BMP2K: variants seen among roughly 807,000 people sequenced by gnomAD.
BMP2K encodes the protein BMP2 inducible kinase.
In BMP2K, 74 loss-of-function variants were observed where a neutral mutation model predicts 116.0. That is an observed-to-expected ratio of 0.64 (90% CI 0.53 to 0.77). The LOEUF (loss-of-function observed/expected upper bound fraction) is 0.77. Among genes scored for constraint, BMP2K ranks in the 30% least tolerant of loss-of-function variants. The pLI is 0.00. For missense variants in BMP2K, 1,365 were observed against 1,403.6 expected (o/e 0.97, Z 0.44); for synonymous variants, 486 against 502.5 (o/e 0.97, Z 0.44).
chr4:78,859,755 C>G, intron 8 of BMP2K, 68 bp downstream of exon 8: 3 of 1,121,370 alleles, frequency 2.7e-6, no homozygotes, highest in Non-Finnish European at 3.9e-6. Context: ...TATTTACTTT[C>G]AGAGTTACTT....
intron 8 of BMP2K, 144 bp from the exon 9 acceptor site, chr4:78,861,245 G>A (rs1731771070): frequency 1.8e-6 from 1 of 549,658 alleles, no homozygotes. Context: ...GCAAATACAT[G>A]TGAATAATTT....
chr4:78,829,333 A>G (rs552843962), intron 2 of BMP2K, among the ~76,000 whole-genome samples: 1 of 152,224 alleles, frequency 6.6e-6, no homozygotes, highest in East Asian at 1.9e-4. Context: ...TTGCTCATTC[A>G]TAAGAAGCAG....
intron 15 of BMP2K, among the ~76,000 whole-genome samples, chr4:78,906,466 G>A (rs1455704543): frequency 2.6e-5 from 4 of 152,168 alleles, no homozygotes; most frequent in Non-Finnish European, 5.9e-5. Flanking sequence ...TGGTATAGAT[G>A]ATTGTGTCTT....
intron 10 of BMP2K, 142 bp from the exon 11 acceptor site, chr4:78,870,641 C>T: frequency 8.7e-7 from 1 of 1,147,968 alleles, no homozygotes; most frequent in East Asian, 2.6e-5. Flanking sequence ...TCCCTATAAA[C>T]TCTATGCATA....
intron 10 of BMP2K, among the ~76,000 whole-genome samples, chr4:78,866,169 T>G (rs1371276576): frequency 6.6e-6 from 1 of 152,162 alleles, no homozygotes; most frequent in Non-Finnish European, 1.5e-5. Flanking sequence ...CATAAAAACT[T>G]ACCTGATTTT....
Position 78,871,946 on chromosome 4 carries a change from A to G in BMP2K, c.1606A>G (p.Met536Val). ...ACCTTCTGCATCACAGTATCCTACA[A>G]TGGTAACTTAAATAATTTCTAGAGA... ...PQPSASQYPT[M>V]MPQYQQAFFQ... The change falls in exon 12 of 16, where the codon ATG becomes GTG. Residue 536 changes from methionine (M) to valine (V), a missense_variant and splice_region_variant. Met to Val is a conservative substitution (Grantham distance 21, BLOSUM62 1). Coordinates refer to ENST00000502613, the MANE Select transcript of BMP2K (RefSeq NM_198892.2). 2 of 1,590,338 alleles carry G rather than the reference A, an allele frequency of 1.3e-6. No homozygotes were observed. The highest frequency in any genetic ancestry group is 1.7e-6 in the Non-Finnish European group (2 of 1,163,484).
At chr4:78,826,700 G>A (rs1046666873) in intron 2 of BMP2K, among the ~76,000 whole-genome samples, 3 of 152,022 alleles carry the variant, frequency 2.0e-5, no homozygotes, top group Non-Finnish European at 4.4e-5. Flanking sequence ...CTCGAGGCCC[G>A]TATGTAAAAT....
chr4:78,903,550 GTTCT>G (rs1260201135), intron 15 of BMP2K, among the ~76,000 whole-genome samples: 1 of 151,828 alleles, frequency 6.6e-6, no homozygotes, highest in East Asian at 1.9e-4. Context: ...TATCAGGTAA[GTTCT>G]ATTATTGTCT....
chr4:78,903,849 T>C (rs1199556165), intron 15 of BMP2K, among the ~76,000 whole-genome samples: 1 of 151,978 alleles, frequency 6.6e-6, no homozygotes, highest in African/African-American at 2.4e-5. Context: ...GTGTTGGTGA[T>C]AAACTGTTGA....
chr4:78,787,415 A>G (rs1019544234), intron 1 of BMP2K, among the ~76,000 whole-genome samples: 5 of 152,138 alleles, frequency 3.3e-5, no homozygotes, highest in East Asian at 3.8e-4. Context: ...TGGGTACTGC[A>G]TTGCTTGTAT....
intron 1 of BMP2K, among the ~76,000 whole-genome samples, chr4:78,808,888 G>C (rs1422940353): frequency 6.6e-6 from 1 of 152,040 alleles, no homozygotes; most frequent in African/African-American, 2.4e-5. Flanking sequence ...CTGTATCCTG[G>C]AGAACGTTCT....
At chr4:78,854,776 T>G (rs1427741731) in intron 7 of BMP2K, among the ~76,000 whole-genome samples, 1 of 152,132 alleles carries the variant, frequency 6.6e-6, no homozygotes, top group East Asian at 1.9e-4. Flanking sequence ...GTTATGGAAA[T>G]TTAATAATCT....
rs573033143 is a variant in BMP2K at position 78,778,335 on chromosome 4, G to A, written c.178+1614G>A. ...CATTTTCAATAAAAAAATAATTTTG[G>A]AAAGTAATAAAGATGAATTTCAAAA... is the stretch of plus-strand genomic sequence containing the variant. On this transcript the variant is annotated intron_variant, in intron 1 of 15. Coordinates refer to ENST00000502613, the MANE Select transcript of BMP2K (RefSeq NM_198892.2). 2.0e-5 allele frequency among the ~76,000 whole-genome samples: 3 copies of A among 152,214 alleles called. No homozygotes were observed. The South Asian group carries it at 6.2e-4, about 32-fold the overall frequency.
chr4:78,815,250 C>T (rs892331689), intron 1 of BMP2K, among the ~76,000 whole-genome samples: 4 of 152,088 alleles, frequency 2.6e-5, no homozygotes, highest in African/African-American at 9.7e-5. Flanking sequence ...TTGCTAAAAT[C>T]CTCAGAGCTT....
At chr4:78,868,360 C>A (rs370174608) in intron 10 of BMP2K, among the ~76,000 whole-genome samples, 1 of 152,132 alleles carries the variant, frequency 6.6e-6, no homozygotes, top group Non-Finnish European at 1.5e-5. Flanking sequence ...GATTCAGTTA[C>A]CTCCCCCTGG....
intron 1 of BMP2K, among the ~76,000 whole-genome samples, chr4:78,782,129 T>C (rs1347228949): frequency 6.6e-6 from 1 of 152,238 alleles, no homozygotes; most frequent in Admixed American, 6.5e-5. Context: ...GGTCCGTGAC[T>C]GAATCTTGTA....
At chr4:78,892,793 TA>T (rs1246199016) in intron 15 of BMP2K, among the ~76,000 whole-genome samples, 1 of 152,132 alleles carries the variant, frequency 6.6e-6, no homozygotes, top group Non-Finnish European at 1.5e-5. Flanking sequence ...ATATTATGTC[TA>T]AAAAAATGTA....
rs1734818324 is a variant in BMP2K at position 78,913,823 on chromosome 4, A to G, written c.*1790A>G. 1 of 152,114 alleles carries G rather than the reference A, an allele frequency of 6.6e-6. No individual in the cohort carries two copies. The highest frequency in any genetic ancestry group is 1.5e-5 in the Non-Finnish European group (1 of 67,994). The allele number at this position is 152,114 out of a possible 1,614,324, so 9.4% of individuals were successfully genotyped here. A position where few individuals can be genotyped will look rare whatever the true frequency, so the allele number is the denominator to read the frequency against. ...GTGAATCACAATGTAGCAGAGGCAGACCAAGCATTACATTATTATTTAGAG... is the reference window on the plus strand; with the variant it reads ...GTGAATCACAATGTAGCAGAGGCAGGCCAAGCATTACATTATTATTTAGAG... On this transcript the variant is annotated 3_prime_UTR_variant, in exon 16 of 16. Transcript: ENST00000502613.
chr4:78,864,025 G>T (rs79910687), intron 9 of BMP2K, among the ~76,000 whole-genome samples: 1 of 152,214 alleles, frequency 6.6e-6, no homozygotes, highest in East Asian at 1.9e-4. Context: ...TGAAGACAGG[G>T]TGTTATGCAG....
Sources: allele counts gnomAD v4.1 joint callset (sites outside exome capture counted in the v4.1 genomes callset), GRCh38; gene constraint gnomAD v4.1.1; transcripts MANE v1.5; gene names NCBI Gene and HGNC (gene_info 2026-07-23, HGNC 2026-07-21).